CADM1: variants seen among roughly 807,000 people sequenced by gnomAD.
The protein encoded by CADM1 is cell adhesion molecule 1, also known as TSLC-1.
Under a neutral mutation model 53.1 loss-of-function variants are expected in CADM1, and 15 were observed. The observed-to-expected ratio is 0.28, with a 90% CI of 0.19 to 0.44. The LOEUF (loss-of-function observed/expected upper bound fraction) is 0.44, where lower values mean the gene tolerates loss of function less well. CADM1 is among the 20% of genes least tolerant of loss of function. CADM1 has a pLI of 1.00. For synonymous variants in CADM1, 281 were observed against 243.0 expected (o/e 1.16, Z -1.45); for missense variants, 434 against 611.3 (o/e 0.71, Z 3.06).
At chr11:115,438,002 G>A (rs1434350046) in intron 1 of CADM1, among the ~76,000 whole-genome samples, 2 of 152,190 alleles carry the variant, frequency 1.3e-5, no homozygotes, top group Non-Finnish European at 2.9e-5. Context: ...ACCGTGTAAC[G>A]CCTGATTGCT....
intron 1 of CADM1, among the ~76,000 whole-genome samples, chr11:115,321,965 C>CTT (rs1944835980): frequency 6.6e-6 from 1 of 152,120 alleles, no homozygotes; most frequent in African/African-American, 2.4e-5. Context: ...CATGCATCAT[C>CTT]CACATAACAT....
chr11:115,384,314 A>G (rs1237490929), intron 1 of CADM1, among the ~76,000 whole-genome samples: 2 of 152,106 alleles, frequency 1.3e-5, no homozygotes, highest in Admixed American at 1.3e-4. Context: ...AGGATGCTTC[A>G]TCTTCTGCTT....
chr11:115,293,020 T>C (rs1591678549), intron 1 of CADM1, among the ~76,000 whole-genome samples: 1 of 152,190 alleles, frequency 6.6e-6, no homozygotes, highest in East Asian at 1.9e-4. Flanking sequence ...AAAGTAGATA[T>C]ATGACATTTA....
intron 1 of CADM1, among the ~76,000 whole-genome samples, chr11:115,345,459 T>C (rs902500910): frequency 6.6e-6 from 1 of 152,134 alleles, no homozygotes; most frequent in African/African-American, 2.4e-5. Context: ...GTCCTGTAAG[T>C]TTATCTACAC....
At chr11:115,392,776 A>T (rs1946870130) in intron 1 of CADM1, among the ~76,000 whole-genome samples, 1 of 152,200 alleles carries the variant, frequency 6.6e-6, no homozygotes, top group South Asian at 2.1e-4. Context: ...CAATTGTGAA[A>T]CCTGCAAAGA....
At chr11:115,379,915 T>C (rs538762647) in intron 1 of CADM1, among the ~76,000 whole-genome samples, 159 of 152,286 alleles carry the variant, frequency 1.0e-3, no homozygotes, top group Non-Finnish European at 1.7e-3. Context: ...TATGAGGTAA[T>C]AGTAAAACTG....
chr11:115,462,886 T>G (rs895786598), intron 1 of CADM1, among the ~76,000 whole-genome samples: 2 of 151,228 alleles, frequency 1.3e-5, no homozygotes, highest in Admixed American at 6.6e-5. Flanking sequence ...GGATCAAGAA[T>G]AGAAAGGGGA....
chr11:115,401,390 C>T (rs1164760882), intron 1 of CADM1, among the ~76,000 whole-genome samples: 5 of 151,906 alleles, frequency 3.3e-5, no homozygotes, highest in East Asian at 1.9e-4. Flanking sequence ...GGGTGGATCA[C>T]GAGGTCAGGA....
intron 9 of CADM1, among the ~76,000 whole-genome samples, chr11:115,197,358 C>T (rs1279129327): frequency 6.6e-6 from 1 of 152,196 alleles, no homozygotes; most frequent in Non-Finnish European, 1.5e-5. Flanking sequence ...TAGATTTCCA[C>T]CCTGTACAAC....
At chr11:115,501,346 C>A (rs1291686270) in intron 1 of CADM1, among the ~76,000 whole-genome samples, 1 of 152,170 alleles carries the variant, frequency 6.6e-6, no homozygotes, top group Non-Finnish European at 1.5e-5. Context: ...CCCCGGTTTG[C>A]AAGCCCCAAC....
chr11:115,257,745 G>A (rs1942838861), intron 1 of CADM1, among the ~76,000 whole-genome samples: 1 of 152,188 alleles, frequency 6.6e-6, no homozygotes, highest in Non-Finnish European at 1.5e-5. Flanking sequence ...AAATGCTGCT[G>A]CTTTGAACCT....
chr11:115,350,272 G>A (rs1160851180), intron 1 of CADM1, among the ~76,000 whole-genome samples: 1 of 152,218 alleles, frequency 6.6e-6, no homozygotes, highest in East Asian at 1.9e-4. Flanking sequence ...CGCCTGACCA[G>A]CCTTACCATC....
At chr11:115,339,942 C>T (rs558460388) in intron 1 of CADM1, 2 of 152,084 alleles carry the variant, frequency 1.3e-5, no homozygotes, top group African/African-American at 2.4e-5. Context: ...CATCCCTCCA[C>T]GTATTCTAAG....
At chr11:115,340,643 TATATATATATATATA>T (rs1428807288) in intron 1 of CADM1, among the ~76,000 whole-genome samples, 21 of 33,452 alleles carry the variant, frequency 6.3e-4, no homozygotes, top group African/African-American at 1.8e-3. Context: ...TATATATATA[TATATATATATATATA>T]TTTTTTTTTT....
intron 10 of CADM1, 199 bp downstream of exon 10, chr11:115,190,689 C>T (rs1345468368): frequency 3.4e-5 from 19 of 554,724 alleles, no homozygotes; most frequent in South Asian, 4.9e-5. Context: ...GTCCCCATTC[C>T]GAAATATAAA....
chr11:115,473,815 C>A (rs917345496), intron 1 of CADM1, among the ~76,000 whole-genome samples: 3 of 151,866 alleles, frequency 2.0e-5, no homozygotes, highest in Admixed American at 2.0e-4. Context: ...AAAACACAAC[C>A]CATAAAATAT....
In CADM1 at chr11:115,173,931, C is replaced by G. The variant is rs991355664; in HGVS notation, c.*2543G>C. On this transcript the variant is annotated 3_prime_UTR_variant, in exon 12 of 12. Coordinates refer to ENST00000331581, the MANE Select transcript of CADM1 (RefSeq NM_001301043.2). Reference sequence around the variant, plus strand: ...AAAACAAGTTTGTTCTTTCTTCACTCTAAAAAAAGTGATCAACCTGTACAA... The same window carrying G: ...AAAACAAGTTTGTTCTTTCTTCACTGTAAAAAAAGTGATCAACCTGTACAA... 2.1e-6 allele frequency: 2 copies of G among 966,806 alleles called. No homozygotes were observed. Among genetic ancestry groups the G allele is most frequent in the African/African-American group, 3.5e-5 (2 of 56,788 alleles). The allele number at this position is 966,806 out of a possible 1,614,324, so 59.9% of individuals were successfully genotyped here. A position where few individuals can be genotyped will look rare whatever the true frequency, so the allele number is the denominator to read the frequency against.
chr11:115,178,306 G>A (rs1458118258), intron 11 of CADM1, among the ~76,000 whole-genome samples: 6 of 151,914 alleles, frequency 3.9e-5, no homozygotes, highest in Admixed American at 3.3e-4. Context: ...TATCCTTTGC[G>A]GCTTCATGCC....
intron 1 of CADM1, among the ~76,000 whole-genome samples, chr11:115,499,686 C>T (rs1949691320): frequency 6.6e-6 from 1 of 152,238 alleles, no homozygotes; most frequent in Non-Finnish European, 1.5e-5. Flanking sequence ...AGCCTTAGTT[C>T]AACTGCAGAG....
Sources: allele counts gnomAD v4.1 joint callset (sites outside exome capture counted in the v4.1 genomes callset), GRCh38; gene constraint gnomAD v4.1.1; transcripts MANE v1.5; gene names NCBI Gene and HGNC (gene_info 2026-07-23, HGNC 2026-07-21).